The following CSMD2 variants were observed in gnomAD, a reference collection of about 807,000 sequenced individuals.
CSMD2 encodes CUB and Sushi multiple domains 2.
In CSMD2, 130 loss-of-function variants were observed where a neutral mutation model predicts 398.5. The ratio of observed to expected loss-of-function variants is 0.33; its 90% confidence interval spans 0.28 to 0.38. CSMD2 has a LOEUF of 0.38. Ranked by LOEUF, CSMD2 falls within the 10% of genes least tolerant of loss-of-function variation. CSMD2 has a pLI of 1.00. For missense variants in CSMD2, 3,829 were observed against 4,764.9 expected, an observed-to-expected ratio of 0.80 and a Z score of 5.78; for synonymous variants, 1,828 against 1,908.5, an observed-to-expected ratio of 0.96 and a Z score of 1.10.
chr1:34,063,626 C>T (rs1654774612), intron 2 of CSMD2, among the ~76,000 whole-genome samples: 1 of 152,298 alleles, frequency 6.6e-6, no homozygotes, highest in East Asian at 1.9e-4. Flanking sequence ...CAGGGTATAG[C>T]CCCACTCTGG....
chr1:33,634,949 T>C (rs887713613), intron 31 of CSMD2, among the ~76,000 whole-genome samples: 1 of 152,108 alleles, frequency 6.6e-6, no homozygotes, highest in Non-Finnish European at 1.5e-5. Flanking sequence ...GCACCTTGCC[T>C]TCCCTCTGTC....
At chr1:33,705,118 A>C (rs1335246480) in intron 22 of CSMD2, among the ~76,000 whole-genome samples, 1 of 152,108 alleles carries the variant, frequency 6.6e-6, no homozygotes, top group Non-Finnish European at 1.5e-5. Context: ...TTTATTTTAA[A>C]TTATAAATTG....
Position 33,711,158 on chromosome 1 carries a change from T to C in CSMD2, c.3407-1900A>G, listed in dbSNP as rs74469808. Among the ~76,000 whole-genome samples the C allele has an allele frequency of 4.6e-5, 7 of 152,192 alleles. No homozygotes were observed. The East Asian group carries it at 1.2e-3, about 25-fold the overall frequency. ...TTCCAGCATGTGTACATTTCTTTGA[T>C]GATCTCAGATGAGGGTGAGGGTGAG... On this transcript the variant is annotated intron_variant, in intron 21 of 70. Transcript: ENST00000373381.
intron 21 of CSMD2, among the ~76,000 whole-genome samples, chr1:33,710,614 G>GT (rs2149157098): frequency 6.6e-6 from 1 of 152,252 alleles, no homozygotes; most frequent in Admixed American, 6.5e-5. Context: ...CCATCCCTCA[G>GT]TATCCTTCAG....
rs543417665 is a variant in CSMD2, at chr1:33,596,657, C to A, written c.6856+4208G>T. Among the ~76,000 whole-genome samples the A allele has an allele frequency of 6.6e-5, 10 of 152,222 alleles. 1 individual carries two copies. In the South Asian group the frequency reaches 2.1e-3, roughly 32 times the overall value. On this transcript the variant is annotated intron_variant, in intron 44 of 70. Transcript: ENST00000373381. ...TGAGAGCCCAGTGAAGAGGGAAGCC[C>A]CTTATAAAACCACCAGATCTCGTGA...
intron 10 of CSMD2, among the ~76,000 whole-genome samples, chr1:33,800,997 T>C (rs933715756): frequency 6.6e-6 from 1 of 151,800 alleles, no homozygotes; most frequent in African/African-American, 2.4e-5. Flanking sequence ...GGCCAACGAG[T>C]ATGTCCCTGA....
chr1:33,672,126 G>C (rs576484254), intron 25 of CSMD2, among the ~76,000 whole-genome samples: 1 of 152,330 alleles, frequency 6.6e-6, no homozygotes, highest in Non-Finnish European at 1.5e-5. Context: ...GGGAGTGCCG[G>C]ACAGTGGGTG....
At chr1:33,768,803 A>G (rs1284337060) in intron 13 of CSMD2, among the ~76,000 whole-genome samples, 3 of 152,110 alleles carry the variant, frequency 2.0e-5, no homozygotes, top group Non-Finnish European at 4.4e-5. Context: ...TGACCTCTCA[A>G]GATTAGATTG....
At chr1:33,815,074 C>T (rs1259820774) in intron 9 of CSMD2, among the ~76,000 whole-genome samples, 1 of 152,150 alleles carries the variant, frequency 6.6e-6, no homozygotes. Context: ...ACCAGGAGAA[C>T]TGTGGTATCA....
intron 2 of CSMD2, among the ~76,000 whole-genome samples, chr1:34,082,187 C>G (rs1183266617): frequency 2.3e-4 from 32 of 140,892 alleles, no homozygotes; most frequent in African/African-American, 8.4e-4. Context: ...AGGTGAGGAG[C>G]GTCTCTACCC....
rs896659177 is a variant in CSMD2, at chr1:33,638,895, AT to A, written c.4775-2342del. On this transcript the variant is annotated intron_variant, in intron 29 of 70. Coordinates refer to ENST00000373381, the MANE Select transcript of CSMD2 (RefSeq NM_001281956.2). ...CTCTCATCGACTCTATATTGACCTT[AT>A]TTTTTTCTGTCTTCCTCCACTAGAA... is the stretch of plus-strand genomic sequence containing the variant. Among the ~76,000 whole-genome samples, 4 of 151,702 alleles carry A rather than the reference AT, an allele frequency of 2.6e-5. No individual in the cohort carries two copies. In the East Asian group the frequency reaches 7.8e-4, roughly 29 times the overall value.
At chr1:33,585,642 C>T (rs11586497) in intron 46 of CSMD2, among the ~76,000 whole-genome samples, 32,730 of 152,154 alleles carry the variant, frequency 0.22, 4,502 homozygotes, top group Non-Finnish European at 0.3. Flanking sequence ...TAAGTTCTCT[C>T]AGGCCTCGTG....
chr1:33,657,535 G>A (rs72890897), intron 27 of CSMD2, among the ~76,000 whole-genome samples: 47 of 152,278 alleles, frequency 3.1e-4, no homozygotes, highest in African/African-American at 1.0e-3. Flanking sequence ...GCAAAAGCAA[G>A]GTTCTTTTCT....
intron 6 of CSMD2, among the ~76,000 whole-genome samples, chr1:33,832,293 A>G (rs1659673635): frequency 6.6e-6 from 1 of 152,066 alleles, no homozygotes; most frequent in Non-Finnish European, 1.5e-5. Context: ...GTAAAAGAAC[A>G]GAAATTATAA....
At chr1:33,569,657 T>G in intron 51 of CSMD2, 110 bp from the exon 52 acceptor site, 1 of 1,102,358 alleles carries the variant, frequency 9.1e-7, no homozygotes, top group South Asian at 1.6e-5. Context: ...CTTACTCTGC[T>G]GGAATTCCTG....
chr1:33,889,936 A>T (rs764549918), intron 5 of CSMD2, among the ~76,000 whole-genome samples: 109 of 152,224 alleles, frequency 7.2e-4, no homozygotes, highest in Non-Finnish European at 8.4e-4. Flanking sequence ...ATTTTTCACA[A>T]AGAGTATAAA....
intron 1 of CSMD2, among the ~76,000 whole-genome samples, chr1:34,095,631 C>A (rs1220598077): frequency 3.3e-5 from 5 of 151,860 alleles, no homozygotes; most frequent in African/African-American, 9.7e-5. Flanking sequence ...ACTACAAACA[C>A]CTCTACGCAA....
chr1:33,631,347 A>C (rs79611907), intron 32 of CSMD2, among the ~76,000 whole-genome samples: 2,967 of 152,228 alleles, frequency 0.019, 48 homozygotes, highest in Non-Finnish European at 0.03. Context: ...AATATACCTG[A>C]ATAGACCAAT....
intron 11 of CSMD2, 36 bp downstream of exon 11, chr1:33,792,387 T>A: frequency 6.7e-7 from 1 of 1,499,376 alleles, no homozygotes. Flanking sequence ...CCAGCCACCG[T>A]CCCACCTTCC....
Sources: gnomAD v4.1 joint callset for allele counts (sites outside exome capture counted in the v4.1 genomes callset) on GRCh38, gnomAD v4.1.1 for gene constraint, MANE v1.5 for transcripts, NCBI Gene and HGNC (gene_info 2026-07-23, HGNC 2026-07-21) for gene names.